Variants in SIKE1 observed in about 807,000 individuals in gnomAD.
SIKE1 encodes suppressor of IKK epsilon.
In SIKE1, 13 loss-of-function variants were observed where a neutral mutation model predicts 25.8. That is an observed-to-expected ratio of 0.50 (90% CI 0.33 to 0.80). The LOEUF (loss-of-function observed/expected upper bound fraction) is 0.80, where lower values mean the gene tolerates loss of function less well. Ranked by LOEUF, SIKE1 falls within the 30% of genes least tolerant of loss-of-function variation. The probability of loss-of-function intolerance (pLI) is 0.02; values close to 1 mark genes in which losing one functional copy is unlikely to be tolerated. For synonymous variants in SIKE1, 86 were observed against 95.5 expected (o/e 0.90, Z 0.58); for missense variants, 222 against 252.4 (o/e 0.88, Z 0.82).
At chr1:114,778,889 A>G in intron 3 of SIKE1, 1 of 487,476 alleles carries the variant, frequency 2.1e-6, no homozygotes, top group Non-Finnish European at 3.6e-6. Flanking sequence ...AAACAAACAA[A>G]CAAACAACCC....
rs1306178816 is a variant in SIKE1, at chr1:114,771,138, T to A, written c.*3133A>T. ...ACAGCATGAGGGATGTAAGCCAATA[T>A]GGTAAGGAGGCAGATTTGAAAGACA... On this transcript the variant is annotated 3_prime_UTR_variant, in exon 5 of 5. Coordinates refer to ENST00000060969, the MANE Select transcript of SIKE1 (RefSeq NM_025073.3). 1 of 152,244 alleles carries A rather than the reference T, an allele frequency of 6.6e-6. No individual in the cohort carries two copies. The highest frequency in any genetic ancestry group is 1.5e-5 in the Non-Finnish European group (1 of 68,048). 9.4% of individuals were successfully genotyped at this position (152,244 alleles called of 1,614,324 possible).
rs768740396 is a variant in SIKE1 at position 114,780,141 on chromosome 1, T to C, written c.234A>G (p.Thr78=). Residue 78 remains threonine (T), a synonymous_variant, in exon 2 of 5, where the codon ACA becomes ACG. Transcript: ENST00000060969. The part of the protein sequence containing the change: ...KPHILLSQEN[T]QIRDLQQENR... ...TTTCCTGTTGCAAGTCTCTAATCTG[T>C]GTGTTCTCTTGGGACAGCAGAATGT... 5.0e-6 allele frequency: 8 copies of C among 1,613,976 alleles called. No individual in the cohort carries two copies. The highest frequency in any genetic ancestry group is 5.9e-6 in the Non-Finnish European group (7 of 1,179,914).
chr1:114,779,210 G>GT lies in SIKE1; in HGVS notation c.339dup (p.Gln114ThrfsTer6). The GT allele has an allele frequency of 6.2e-7, 1 of 1,614,210 alleles. No individual in the cohort carries two copies. The highest frequency in any genetic ancestry group is 8.5e-7 in the Non-Finnish European group (1 of 1,180,026). The stretch of plus-strand genomic sequence containing the variant: ...ACCGCTTTTTTAGCAACCATTAACT[G>GT]TAACATCTGTTTCCGATATTTGCTC... On this transcript the variant is annotated frameshift_variant, in exon 3 of 5. Coordinates refer to ENST00000060969, the MANE Select transcript of SIKE1 (RefSeq NM_025073.3). LOFTEE classifies it high-confidence loss of function.
At chr1:114,779,003 G>T in intron 3 of SIKE1, 139 bp downstream of exon 3, 2 of 995,790 alleles carry the variant, frequency 2.0e-6, no homozygotes, top group East Asian at 2.5e-5. Flanking sequence ...GTTGCAGTGA[G>T]CCGAGATCGT....
At position 114,776,499 on chromosome 1, in the gene SIKE1, T is replaced by G. The variant is rs938821303; in HGVS notation, c.409-40A>C. 4 of 1,297,300 alleles carry G rather than the reference T, an allele frequency of 3.1e-6. No individual in the cohort carries two copies. The South Asian group carries it at 4.7e-5, about 15-fold the overall frequency. The allele number at this position is 1,297,300 out of a possible 1,614,324, so 80.4% of individuals were successfully genotyped here. ...AGGAAACAAAGGTGGAAAAATCACC[T>G]GTTCTGTAGATATAAAGAACGTAAA... On this transcript the variant is annotated intron_variant, in intron 3 of 4. Transcript: ENST00000060969.
chr1:114,773,055 C>T lies in SIKE1; in HGVS notation c.*1216G>A, dbSNP rs528627013. ...GCTTAATGTTACTGGAAAATATTGA[C>T]AGGTTTAGCATTATTTCAACTAATT... is the stretch of plus-strand genomic sequence containing the variant. On this transcript the variant is annotated 3_prime_UTR_variant, in exon 5 of 5. Coordinates refer to ENST00000060969, the MANE Select transcript of SIKE1 (RefSeq NM_025073.3). 1 of 152,228 alleles carries T rather than the reference C, an allele frequency of 6.6e-6. No individual in the cohort carries two copies. The highest frequency in any genetic ancestry group is 2.1e-4 in the South Asian group (1 of 4,828). 9.4% of individuals were successfully genotyped at this position (152,228 alleles called of 1,614,324 possible).
At position 114,773,858 on chromosome 1, in the gene SIKE1, G is replaced by T. The variant is rs970644553; in HGVS notation, c.*413C>A. 6.5e-6 allele frequency: 1 copy of T among 153,532 alleles called. No individual in the cohort carries two copies. The highest frequency in any genetic ancestry group is 3.4e-3 in the Middle Eastern group (1 of 296). The allele number at this position is 153,532 out of a possible 1,614,324, so 9.5% of individuals were successfully genotyped here. ...TTGTCAAATGGAAAAAAAAAATCAA[G>T]GTTTATGCCAAATAGATTTAAACAG... On this transcript the variant is annotated 3_prime_UTR_variant, in exon 5 of 5. Coordinates refer to ENST00000060969, the MANE Select transcript of SIKE1 (RefSeq NM_025073.3).
intron 3 of SIKE1, among the ~76,000 whole-genome samples, chr1:114,778,688 A>G (rs1662315938): frequency 6.6e-6 from 1 of 152,100 alleles, no homozygotes; most frequent in Admixed American, 6.5e-5. Context: ...TAAACAACAA[A>G]TGTGATAAAC....
chr1:114,776,901 C>T (rs1296749371), intron 3 of SIKE1, among the ~76,000 whole-genome samples: 3 of 152,150 alleles, frequency 2.0e-5, no homozygotes, highest in Non-Finnish European at 4.4e-5. Context: ...CACATATATA[C>T]CATGGAATAC....
chr1:114,774,486 T>C, intron 4 of SIKE1, 114 bp from the exon 5 acceptor site: 4 of 691,590 alleles, frequency 5.8e-6, no homozygotes, highest in Non-Finnish European at 9.3e-6. Context: ...AAAAAATTTA[T>C]GGAAACAAAA....
In SIKE1 at chr1:114,778,861, A is replaced by G. The variant is rs114340070; in HGVS notation, c.408+281T>C. The G allele has an allele frequency of 5.8e-3, 2,423 of 421,092 alleles. 63 individuals carry two copies. Among genetic ancestry groups the G allele is most frequent in the African/African-American group, 0.045 (2,193 of 49,252 alleles). 26.1% of individuals were successfully genotyped at this position (421,092 alleles called of 1,614,324 possible). On this transcript the variant is annotated intron_variant, in intron 3 of 4. Transcript: ENST00000060969. ...GGCAACATGGCGAAATGTCATCTCT[A>G]CCAAAAAACAAACAAACAAACAAAC... is the stretch of plus-strand genomic sequence containing the variant.
chr1:114,769,959 A>G lies in SIKE1; in HGVS notation c.*4312T>C, dbSNP rs1017191702. ...TGTATAAAGTGTTGATAAAATTTAT[A>G]TCTGCATGGCTGTTCCTAAAACTAT... On this transcript the variant is annotated 3_prime_UTR_variant, in exon 5 of 5. Coordinates refer to ENST00000060969, the MANE Select transcript of SIKE1 (RefSeq NM_025073.3). The G allele has an allele frequency of 3.3e-5, 5 of 152,252 alleles. No homozygotes were observed. Among genetic ancestry groups the G allele is most frequent in the Non-Finnish European group, 7.3e-5 (5 of 68,044 alleles). 9.4% of individuals were successfully genotyped at this position (152,252 alleles called of 1,614,324 possible).
At position 114,779,146 on chromosome 1, in the gene SIKE1, G is replaced by C. The variant is rs773749735; in HGVS notation, c.404C>G (p.Ser135Cys). ...EPVLKAHQSH[S>C]AEIESQIDRI... ...AATTTATTCAAAGTTTCTTACTGCA[G>C]AGTGAGACTGGTGAGCTTTCAGGAC... The change falls in exon 3 of 5, where the codon TCT (serine) becomes TGT (cysteine). Residue 135 changes from serine to cysteine, a missense_variant. Transcript: ENST00000060969. 8 of 1,614,038 alleles carry C rather than the reference G, an allele frequency of 5.0e-6. No individual in the cohort carries two copies. The highest frequency in any genetic ancestry group is 6.8e-6 in the Non-Finnish European group (8 of 1,180,020).
chr1:114,780,679 C>G lies in SIKE1; in HGVS notation c.-72G>C. 7.4e-7 allele frequency: 1 copy of G among 1,347,648 alleles called. No individual in the cohort carries two copies. Among genetic ancestry groups the G allele is most frequent in the South Asian group, 1.4e-5 (1 of 73,986 alleles). 83.5% of individuals were successfully genotyped at this position (1,347,648 alleles called of 1,614,324 possible). A position where few individuals can be genotyped will look rare whatever the true frequency, so the allele number is the denominator to read the frequency against. ...GCTCAGATCTTCTGGGAGTCTGTCT[C>G]AGCATTACAGGCGTCATTTCCGGGC... On this transcript the variant is annotated 5_prime_UTR_variant, in exon 1 of 5. Coordinates refer to ENST00000060969, the MANE Select transcript of SIKE1 (RefSeq NM_025073.3).
Position 114,780,625 on chromosome 1 carries a change from A to G in SIKE1, c.-18T>C. Reference sequence around the variant, plus strand: ...CAGCTCATAGCAGCAGCACCACCCCAGCCCCTGCCGGGCTCAGCTACGCGA... The same window carrying G: ...CAGCTCATAGCAGCAGCACCACCCCGGCCCCTGCCGGGCTCAGCTACGCGA... On this transcript the variant is annotated 5_prime_UTR_variant, in exon 1 of 5. Transcript: ENST00000060969. 6.3e-7 allele frequency: 1 copy of G among 1,589,898 alleles called. No homozygotes were observed. Among genetic ancestry groups the G allele is most frequent in the Non-Finnish European group, 8.6e-7 (1 of 1,165,772 alleles).
Position 114,776,380 on chromosome 1 carries a change from A to C in SIKE1, c.488T>G (p.Phe163Cys). The change falls in exon 4 of 5, where the codon TTT becomes TGT. Residue 163 changes from phenylalanine (F) to cysteine (C), a missense_variant. By Grantham distance (205) the Phe-to-Cys change is radical. Transcript: ENST00000060969. ...RKAVQVDDDQFCKIQEKLAQL... is the reference protein window; with the variant it reads ...RKAVQVDDDQCCKIQEKLAQL... ...GGCTAATTTTTCCTGAATCTTACAA[A>C]ACTGGTCATCATCCACCTGAACTGC... The C allele has an allele frequency of 6.2e-7, 1 of 1,613,592 alleles. No homozygotes were observed. The highest frequency in any genetic ancestry group is 8.5e-7 in the Non-Finnish European group (1 of 1,179,660).
Position 114,772,053 on chromosome 1 carries a change from A to G in SIKE1, c.*2218T>C, listed in dbSNP as rs1662084715. ...TTAATATAAGAATTATACATAAGAT[A>G]TTGATATAATACTACACTAATATAA... On this transcript the variant is annotated 3_prime_UTR_variant, in exon 5 of 5. Coordinates refer to ENST00000060969, the MANE Select transcript of SIKE1 (RefSeq NM_025073.3). 6.6e-6 allele frequency: 1 copy of G among 152,194 alleles called. No individual in the cohort carries two copies. Among genetic ancestry groups the G allele is most frequent in the Non-Finnish European group, 1.5e-5 (1 of 68,014 alleles). 9.4% of individuals were successfully genotyped at this position (152,194 alleles called of 1,614,324 possible).
chr1:114,769,784 A>G lies in SIKE1; in HGVS notation c.*4487T>C, dbSNP rs995957426. On this transcript the variant is annotated 3_prime_UTR_variant, in exon 5 of 5. Coordinates refer to ENST00000060969, the MANE Select transcript of SIKE1 (RefSeq NM_025073.3). Reference sequence around the variant, plus strand: ...AGAGAGCGGGGGGGTCGGCAAAGATAGGAGAAGAGCTCAAATAGATAAAAT... The same window carrying G: ...AGAGAGCGGGGGGGTCGGCAAAGATGGGAGAAGAGCTCAAATAGATAAAAT... 52 of 152,166 alleles carry G rather than the reference A, an allele frequency of 3.4e-4. No individual in the cohort carries two copies. The highest frequency in any genetic ancestry group is 1.1e-3 in the African/African-American group (46 of 41,448). The allele number at this position is 152,166 out of a possible 1,614,324, so 9.4% of individuals were successfully genotyped here.
Position 114,774,859 on chromosome 1 carries a change from T to C in SIKE1, c.523-487A>G, listed in dbSNP as rs530452051. Among the ~76,000 whole-genome samples the C allele has an allele frequency of 1.2e-3, 180 of 152,290 alleles. 1 individual carries two copies. Among genetic ancestry groups the C allele is most frequent in the Admixed American group, 3.7e-3 (56 of 15,280 alleles). ...AGCTGGGTACTACTTGGGTGCCCTGTATATGTTATCTCACAATAATCTGTA... is the reference window on the plus strand; with the variant it reads ...AGCTGGGTACTACTTGGGTGCCCTGCATATGTTATCTCACAATAATCTGTA... On this transcript the variant is annotated intron_variant, in intron 4 of 4. Coordinates refer to ENST00000060969, the MANE Select transcript of SIKE1 (RefSeq NM_025073.3).
Sources: allele counts gnomAD v4.1 joint callset (sites outside exome capture counted in the v4.1 genomes callset), GRCh38; gene constraint gnomAD v4.1.1; transcripts MANE v1.5; gene names NCBI Gene and HGNC (gene_info 2026-07-23, HGNC 2026-07-21).